Variants in RBM20 observed in about 807,000 individuals in gnomAD.
RBM20 encodes RNA binding motif protein 20.
RBM20 carries 51 observed loss-of-function variants against 110.1 expected under a neutral mutation model. The ratio of observed to expected loss-of-function variants is 0.46; its 90% CI spans 0.37 to 0.59. The LOEUF is 0.59. RBM20 is among the 20% of genes least tolerant of loss of function. RBM20 has a pLI of 0.00. For missense variants in RBM20, 1,512 were observed against 1,574.9 expected (o/e 0.96, Z 0.68); for synonymous variants, 589 against 618.2 (o/e 0.95, Z 0.70).
At chr10:110,746,350 C>A (rs1427415795) in intron 1 of RBM20, among the ~76,000 whole-genome samples, 2 of 152,188 alleles carry the variant, frequency 1.3e-5, no homozygotes, top group African/African-American at 4.8e-5. Context: ...ATGGGAGGGG[C>A]TTCCAGGAAT....
chr10:110,707,224 T>C (rs1354269893), intron 1 of RBM20, among the ~76,000 whole-genome samples: 2 of 152,228 alleles, frequency 1.3e-5, no homozygotes, highest in African/African-American at 2.4e-5. Flanking sequence ...TTAGAAAATC[T>C]ATCCTAGAAA....
chr10:110,708,411 T>C (rs1211894362), intron 1 of RBM20, among the ~76,000 whole-genome samples: 1 of 152,214 alleles, frequency 6.6e-6, no homozygotes, highest in East Asian at 1.9e-4. Flanking sequence ...AACTTTCATG[T>C]AGATAATTTT....
intron 1 of RBM20, among the ~76,000 whole-genome samples, chr10:110,681,997 C>G (rs1564814324): frequency 6.6e-6 from 1 of 152,048 alleles, no homozygotes; most frequent in Non-Finnish European, 1.5e-5. Flanking sequence ...TCAGATGATT[C>G]TCCTGCCTCA....
At chr10:110,767,747 C>T (rs1414369508) in intron 1 of RBM20, among the ~76,000 whole-genome samples, 1 of 151,902 alleles carries the variant, frequency 6.6e-6, no homozygotes, top group Non-Finnish European at 1.5e-5. Flanking sequence ...CGGGCAGAGA[C>T]GCTCCTCACT....
intron 1 of RBM20, among the ~76,000 whole-genome samples, chr10:110,648,484 A>G (rs1290600190): frequency 1.3e-5 from 2 of 152,240 alleles, no homozygotes; most frequent in African/African-American, 2.4e-5. Flanking sequence ...AGAATTTGCT[A>G]AAAAGGGACA....
intron 1 of RBM20, among the ~76,000 whole-genome samples, chr10:110,741,271 G>A (rs1405694829): frequency 6.6e-6 from 1 of 152,156 alleles, no homozygotes; most frequent in African/African-American, 2.4e-5. Context: ...GTGGATACAG[G>A]TAAAATAAGA....
At chr10:110,823,837 C>A (rs1308346673) in intron 12 of RBM20, among the ~76,000 whole-genome samples, 14 of 152,070 alleles carry the variant, frequency 9.2e-5, no homozygotes, top group Admixed American at 9.2e-4. Flanking sequence ...CCCACCTCAG[C>A]CTCCTGAGAA....
chr10:110,650,619 C>T (rs1861932732), intron 1 of RBM20, among the ~76,000 whole-genome samples: 1 of 152,014 alleles, frequency 6.6e-6, no homozygotes, highest in South Asian at 2.1e-4. Flanking sequence ...CTTGCTTCTG[C>T]CTTTTCTTTG....
At chr10:110,810,810 TGTGTGC>T (rs1844756753) in intron 8 of RBM20, among the ~76,000 whole-genome samples, 1 of 145,444 alleles carries the variant, frequency 6.9e-6, no homozygotes, top group African/African-American at 2.5e-5. Flanking sequence ...TGTGTGTGTG[TGTGTGC>T]GTGTGTGCGT....
intron 1 of RBM20, among the ~76,000 whole-genome samples, chr10:110,646,470 G>A (rs116989862): frequency 0.018 from 2,787 of 152,298 alleles, 26 homozygotes; most frequent in Admixed American, 0.042. Context: ...AGGGCAGGAT[G>A]GAGACCTCAA....
intron 1 of RBM20, among the ~76,000 whole-genome samples, chr10:110,725,577 T>C (rs1843551649): frequency 6.6e-6 from 1 of 152,230 alleles, no homozygotes; most frequent in Admixed American, 6.5e-5. Flanking sequence ...GACAATCTGA[T>C]TGGCCAGATT....
chr10:110,793,771 G>A (rs1844513505), intron 5 of RBM20, among the ~76,000 whole-genome samples: 2 of 152,228 alleles, frequency 1.3e-5, no homozygotes. Flanking sequence ...TTAAAATGCA[G>A]TTCCTTACAT....
intron 1 of RBM20, among the ~76,000 whole-genome samples, chr10:110,684,872 A>G (rs1425850913): frequency 6.6e-6 from 1 of 152,148 alleles, no homozygotes; most frequent in Non-Finnish European, 1.5e-5. Context: ...GCTTGGGAGC[A>G]CTCCGCCGGC....
chr10:110,731,506 G>C (rs1054259411), intron 1 of RBM20, among the ~76,000 whole-genome samples: 3 of 152,096 alleles, frequency 2.0e-5, no homozygotes, highest in African/African-American at 7.2e-5. Context: ...ATTTCTTTCT[G>C]AAAAACTCAG....
Position 110,836,472 on chromosome 10 carries a change from A to G in RBM20, c.*494A>G, listed in dbSNP as rs1845131082. 2 of 152,256 alleles carry G rather than the reference A, an allele frequency of 1.3e-5. No homozygotes were observed. Among genetic ancestry groups the G allele is most frequent in the African/African-American group, 4.8e-5 (2 of 41,436 alleles). The allele number at this position is 152,256 out of a possible 1,614,324, so 9.4% of individuals were successfully genotyped here. A position where few individuals can be genotyped will look rare whatever the true frequency, so the allele number is the denominator to read the frequency against. On this transcript the variant is annotated 3_prime_UTR_variant, in exon 14 of 14. Transcript: ENST00000369519. ...CAGCAGTATCTCTGCCTGGTGTCCC[A>G]TGTATCCCCTGCATGAGGAGCTGAG...
At chr10:110,810,547 C>T (rs1844752115) in intron 8 of RBM20, 85 bp downstream of exon 8, 1 of 945,410 alleles carries the variant, frequency 1.1e-6, no homozygotes, top group Admixed American at 2.1e-5. Flanking sequence ...GCATTTGAGT[C>T]ATGCTGTGCC....
chr10:110,813,690 C>T (rs1359291887), intron 9 of RBM20, among the ~76,000 whole-genome samples: 3 of 152,030 alleles, frequency 2.0e-5, no homozygotes, highest in Non-Finnish European at 1.5e-5. Context: ...CAAAAATTAG[C>T]CAGGCAAGGT....
intron 1 of RBM20, among the ~76,000 whole-genome samples, chr10:110,676,272 G>A (rs1458638278): frequency 6.6e-6 from 1 of 152,160 alleles, no homozygotes; most frequent in African/African-American, 2.4e-5. Flanking sequence ...CAGTGTCCTC[G>A]CTCTGCTGGT....
At chr10:110,778,601 C>T (rs1303653724) in intron 1 of RBM20, among the ~76,000 whole-genome samples, 1 of 152,254 alleles carries the variant, frequency 6.6e-6, no homozygotes, top group Admixed American at 6.5e-5. Flanking sequence ...GCTTATTGTA[C>T]AGCATGCATT....
Sources: allele counts gnomAD v4.1 joint callset (sites outside exome capture counted in the v4.1 genomes callset), GRCh38; gene constraint gnomAD v4.1.1; transcripts MANE v1.5; gene names NCBI Gene and HGNC (gene_info 2026-07-23, HGNC 2026-07-21).